Variants in HDAC4 observed in about 807,000 individuals in gnomAD.
HDAC4 encodes the protein histone deacetylase 4, also known as histone deacetylase A.
HDAC4 carries 16 observed loss-of-function variants against 135.1 expected under a neutral mutation model. That is an observed-to-expected ratio of 0.12 (90% CI 0.08 to 0.18). The LOEUF is 0.18. Ranked by LOEUF, HDAC4 falls within the 10% of genes least tolerant of loss-of-function variation. HDAC4 has a pLI of 1.00. For missense variants in HDAC4, 1,143 were observed against 1,511.8 expected (o/e 0.76, Z 4.05); for synonymous variants, 685 against 653.4 (o/e 1.05, Z -0.74).
At chr2:239,147,610 C>T (rs2041850042) in intron 7 of HDAC4, among the ~76,000 whole-genome samples, 1 of 152,258 alleles carries the variant, frequency 6.6e-6, no homozygotes, top group African/African-American at 2.4e-5. Flanking sequence ...GGATCCCACC[C>T]CTAAGAGGGC....
intron 3 of HDAC4, among the ~76,000 whole-genome samples, chr2:239,211,546 C>T (rs980236444): frequency 7.9e-5 from 12 of 152,190 alleles, no homozygotes; most frequent in South Asian, 2.1e-4. Flanking sequence ...ATTGCCATTC[C>T]GTTAGTTTCT....
chr2:239,100,991 G>A (rs1423800870), intron 16 of HDAC4, among the ~76,000 whole-genome samples: 1 of 152,150 alleles, frequency 6.6e-6, no homozygotes, highest in Non-Finnish European at 1.5e-5. Flanking sequence ...TTTGGCCCAG[G>A]CCCTTGACTG....
intron 3 of HDAC4, among the ~76,000 whole-genome samples, chr2:239,232,273 C>T (rs1234978162): frequency 6.6e-6 from 1 of 152,226 alleles, no homozygotes; most frequent in African/African-American, 2.4e-5. Context: ...TTAAGTTCCC[C>T]GTAATTCAGC....
chr2:239,177,048 G>C (rs1444026021), intron 4 of HDAC4, among the ~76,000 whole-genome samples: 1 of 152,166 alleles, frequency 6.6e-6, no homozygotes, highest in Non-Finnish European at 1.5e-5. Flanking sequence ...TGGGAGCTCT[G>C]GTCACAGACC....
intron 8 of HDAC4, 92 bp downstream of exon 8, chr2:239,144,491 G>A (rs978259515): frequency 1.3e-6 from 2 of 1,521,640 alleles, no homozygotes; most frequent in East Asian, 4.5e-5. Context: ...GCAGACACGT[G>A]GGTTTTCAGA....
chr2:239,306,965 C>A lies in HDAC4; in HGVS notation c.22+45713G>T, dbSNP rs988468208. ...CGCCTGCACCCTGGGCCCAGGGTAA[C>A]CCAGAAGCAGCAGGAGCCGCAGGAC... is the stretch of plus-strand genomic sequence containing the variant. On this transcript the variant is annotated intron_variant, in intron 2 of 26. Transcript: ENST00000543185. The surrounding 1 kb of genome is among the most constrained non-coding windows in gnomAD (Gnocchi z 4.5). Among the ~76,000 whole-genome samples the A allele has an allele frequency of 9.9e-5, 15 of 152,216 alleles. No individual in the cohort carries two copies. In the South Asian group the frequency reaches 1.2e-3, roughly 13 times the overall value.
intron 3 of HDAC4, among the ~76,000 whole-genome samples, chr2:239,197,078 G>A (rs553564686): frequency 1.3e-5 from 2 of 152,256 alleles, no homozygotes; most frequent in Non-Finnish European, 2.9e-5. Flanking sequence ...CCCAGCCATC[G>A]TCTTCCTTGG....
At chr2:239,312,333 T>G (rs912846385) in intron 2 of HDAC4, among the ~76,000 whole-genome samples, 7 of 152,134 alleles carry the variant, frequency 4.6e-5, no homozygotes, top group Non-Finnish European at 8.8e-5. Context: ...GAGAAGGACA[T>G]TGGCTGCCGC....
chr2:239,159,880 G>C (rs191989725), intron 6 of HDAC4, among the ~76,000 whole-genome samples: 1 of 152,282 alleles, frequency 6.6e-6, no homozygotes, highest in Admixed American at 6.5e-5. Context: ...CAGCCCCCAC[G>C]GGGCCCTGGG....
chr2:239,210,200 C>G (rs1025306884), intron 3 of HDAC4, among the ~76,000 whole-genome samples: 17 of 152,196 alleles, frequency 1.1e-4, no homozygotes, highest in African/African-American at 4.1e-4. Context: ...ATCAACAGAG[C>G]AACAGATAAA....
At chr2:239,166,852 AG>A (rs1298500100) in intron 5 of HDAC4, among the ~76,000 whole-genome samples, 3 of 152,270 alleles carry the variant, frequency 2.0e-5, no homozygotes, top group African/African-American at 7.2e-5. Context: ...TTTGCCAATG[AG>A]TATGTTAAAT....
At chr2:239,246,018 G>A (rs1387953157) in intron 2 of HDAC4, among the ~76,000 whole-genome samples, 3 of 152,174 alleles carry the variant, frequency 2.0e-5, no homozygotes, top group Admixed American at 1.3e-4. Context: ...GTCCAGTCCC[G>A]CCATGGGGTC....
intron 1 of HDAC4, among the ~76,000 whole-genome samples, chr2:239,392,746 C>G (rs754654471): frequency 6.6e-5 from 10 of 152,208 alleles, no homozygotes; most frequent in Non-Finnish European, 1.2e-4. Context: ...AGCCCCAGGC[C>G]ACAGGGAGGA....
chr2:239,094,316 C>T (rs72996180), intron 17 of HDAC4: 212,566 of 985,338 alleles, frequency 0.22, 23,333 homozygotes, highest in South Asian at 0.25. Context: ...AGTTTGATTG[C>T]AAGACCTGAC....
Position 239,288,360 on chromosome 2 carries a change from A to G in HDAC4, c.23-51696T>C, listed in dbSNP as rs1401086273. ...GTCAAACATCATACTTAAATTGGGAAAAATGTTAAAAATCTTCTCTTTAAT... is the reference window on the plus strand; with the variant it reads ...GTCAAACATCATACTTAAATTGGGAGAAATGTTAAAAATCTTCTCTTTAAT... On this transcript the variant is annotated intron_variant, in intron 2 of 26. Transcript: ENST00000543185. Among the ~76,000 whole-genome samples the G allele has an allele frequency of 2.6e-5, 4 of 152,366 alleles. No homozygotes were observed. The East Asian group carries it at 7.7e-4, about 29-fold the overall frequency.
At chr2:239,060,159 A>G (rs1017272940) in intron 24 of HDAC4, among the ~76,000 whole-genome samples, 2 of 152,164 alleles carry the variant, frequency 1.3e-5, no homozygotes, top group Non-Finnish European at 2.9e-5. Context: ...TTCCTAGAGG[A>G]GCGCACTGAT....
intron 6 of HDAC4, 43 bp downstream of exon 6, chr2:239,163,760 C>A: frequency 6.2e-7 from 1 of 1,602,312 alleles, no homozygotes; most frequent in Non-Finnish European, 8.5e-7. Flanking sequence ...GTCCTCTGGG[C>A]CCCCAGAGAG....
chr2:239,148,992 C>T (rs569770026), intron 7 of HDAC4, among the ~76,000 whole-genome samples: 13 of 152,220 alleles, frequency 8.5e-5, no homozygotes, highest in East Asian at 3.9e-4. Flanking sequence ...CTGCTGTGAA[C>T]GTGACACACG....
chr2:239,395,272 A>C (rs1408113795), intron 1 of HDAC4, among the ~76,000 whole-genome samples: 1 of 152,204 alleles, frequency 6.6e-6, no homozygotes, highest in Non-Finnish European at 1.5e-5. Flanking sequence ...TTAGGATCCT[A>C]AGAATACAGG....
Sources: gnomAD v4.1 joint callset for allele counts (sites outside exome capture counted in the v4.1 genomes callset) on GRCh38, gnomAD v4.1.1 for gene constraint, Gnocchi (gnomAD v3.1) non-coding constraint, MANE v1.5 for transcripts, NCBI Gene and HGNC (gene_info 2026-07-23, HGNC 2026-07-21) for gene names.